IQGAP2: variants seen among roughly 807,000 people sequenced by gnomAD.
The protein encoded by IQGAP2 is ras GTPase-activating-like protein IQGAP2.
IQGAP2 carries 173 observed loss-of-function variants against 201.3 expected under a neutral mutation model. The observed-to-expected ratio is 0.86, with a 90% CI of 0.76 to 0.98. The LOEUF (loss-of-function observed/expected upper bound fraction) is 0.98, where lower values mean the gene tolerates loss of function less well. IQGAP2 is among the 50% of genes least tolerant of loss of function. IQGAP2 has a pLI of 0.00. For synonymous variants in IQGAP2, 675 were observed against 673.9 expected (o/e 1.00, Z -0.03); for missense variants, 1,687 against 1,864.8 (o/e 0.90, Z 1.76).
intron 2 of IQGAP2, among the ~76,000 whole-genome samples, chr5:76,489,943 C>G (rs1756437543): frequency 6.6e-6 from 1 of 152,214 alleles, no homozygotes; most frequent in Non-Finnish European, 1.5e-5. Context: ...CACTCACATT[C>G]ACTTTACTTT....
chr5:76,629,252 T>A (rs1750502028), intron 14 of IQGAP2, among the ~76,000 whole-genome samples: 1 of 152,208 alleles, frequency 6.6e-6, no homozygotes, highest in East Asian at 1.9e-4. Flanking sequence ...ATGCTACCTA[T>A]GAGAATTTTC....
intron 33 of IQGAP2, among the ~76,000 whole-genome samples, chr5:76,700,875 T>G (rs1747317752): frequency 6.6e-6 from 1 of 152,148 alleles, no homozygotes; most frequent in Non-Finnish European, 1.5e-5. Context: ...ACTTGGGAAA[T>G]CCCTTTCCCC....
chr5:76,601,015 T>A, intron 11 of IQGAP2, 43 bp downstream of exon 11: 1 of 1,586,312 alleles, frequency 6.3e-7, no homozygotes, highest in Non-Finnish European at 8.6e-7. Flanking sequence ...CAGAAATGCA[T>A]GTTTGGCAGA....
chr5:76,404,182 C>T (rs1043893665), intron 1 of IQGAP2, among the ~76,000 whole-genome samples: 2 of 151,776 alleles, frequency 1.3e-5, no homozygotes, highest in African/African-American at 2.4e-5. Flanking sequence ...CAACCCCTTT[C>T]CCCCCCGCTC....
intron 6 of IQGAP2, 93 bp from the exon 7 acceptor site, chr5:76,589,522 A>C: frequency 1.5e-6 from 1 of 646,126 alleles, no homozygotes; most frequent in Non-Finnish European, 2.5e-6. Context: ...TTCCTGATGA[A>C]GACATTTCTT....
At chr5:76,408,724 A>G (rs1750932667) in intron 1 of IQGAP2, among the ~76,000 whole-genome samples, 1 of 152,042 alleles carries the variant, frequency 6.6e-6, no homozygotes, top group Non-Finnish European at 1.5e-5. Flanking sequence ...GAATAGCCAC[A>G]GCTCTCCAGC....
At chr5:76,572,391 T>C (rs1007986135) in intron 4 of IQGAP2, among the ~76,000 whole-genome samples, 1 of 152,110 alleles carries the variant, frequency 6.6e-6, no homozygotes, top group Non-Finnish European at 1.5e-5. Flanking sequence ...TTTGAACTCC[T>C]GACCTCAGGT....
rs374323270 is a variant in IQGAP2 at position 76,479,644 on chromosome 5, T to A, written c.146+17975T>A. ...CAGCTGCTCTGTGCTGATGACATTA[T>A]GAAATAGGGATTTTAAAGGACCTCT... On this transcript the variant is annotated intron_variant, in intron 2 of 35. Transcript: ENST00000274364. Among the ~76,000 whole-genome samples the A allele has an allele frequency of 2.1e-3, 321 of 152,284 alleles. 1 individual carries two copies. The highest frequency in any genetic ancestry group is 7.4e-3 in the African/African-American group (307 of 41,550).
At chr5:76,538,691 C>A (rs1354991259) in intron 2 of IQGAP2, among the ~76,000 whole-genome samples, 1 of 152,120 alleles carries the variant, frequency 6.6e-6, no homozygotes, top group Admixed American at 6.5e-5. Context: ...CCTGTTAAAT[C>A]CCCCCTTCCA....
At chr5:76,599,942 A>T (rs750823420) in intron 10 of IQGAP2, among the ~76,000 whole-genome samples, 2 of 152,204 alleles carry the variant, frequency 1.3e-5, no homozygotes, top group Non-Finnish European at 2.9e-5. Flanking sequence ...CTGAAATCTA[A>T]GACGTATTTT....
rs1351295741 is a variant in IQGAP2, at chr5:76,658,311, G to A, written c.2321-148G>A. On this transcript the variant is annotated intron_variant, in intron 20 of 35. Coordinates refer to ENST00000274364, the MANE Select transcript of IQGAP2 (RefSeq NM_006633.5). Reference sequence around the variant, plus strand: ...AGTTTCCTTGTCCAGATTTTAAATTGTGTGGGGGTGGGTAGAATGATTCTC... The same window carrying A: ...AGTTTCCTTGTCCAGATTTTAAATTATGTGGGGGTGGGTAGAATGATTCTC... The A allele has an allele frequency of 4.4e-6, 3 of 685,524 alleles. No individual in the cohort carries two copies. In the East Asian group the frequency reaches 8.1e-5, roughly 19 times the overall value. 42.5% of individuals were successfully genotyped at this position (685,524 alleles called of 1,614,324 possible). A position where few individuals can be genotyped will look rare whatever the true frequency, so the allele number is the denominator to read the frequency against.
intron 2 of IQGAP2, among the ~76,000 whole-genome samples, chr5:76,532,249 A>G (rs1035166242): frequency 1.3e-5 from 2 of 152,216 alleles, no homozygotes; most frequent in African/African-American, 4.8e-5. Flanking sequence ...GCGCATGTCT[A>G]TAGTCCCAGA....
chr5:76,594,761 T>G (rs974755292), intron 9 of IQGAP2, among the ~76,000 whole-genome samples: 4 of 152,032 alleles, frequency 2.6e-5, no homozygotes, highest in Non-Finnish European at 4.4e-5. Context: ...GGTCAAGCGT[T>G]CAAGACCACC....
chr5:76,603,252 G>T (rs1447938990), intron 11 of IQGAP2, among the ~76,000 whole-genome samples: 1 of 152,118 alleles, frequency 6.6e-6, no homozygotes, highest in East Asian at 1.9e-4. Context: ...TGGAGCTTCT[G>T]AGCCCTGCCT....
rs189090400 is a variant in IQGAP2, at chr5:76,504,788, C to T, written c.146+43119C>T. ...AACTTTGCAAGCTGGGAGTTAATAC[C>T]GTAATCTCTTGCTTTCCCTCTGTAT... On this transcript the variant is annotated intron_variant, in intron 2 of 35. Transcript: ENST00000274364. 3.3e-3 allele frequency among the ~76,000 whole-genome samples: 507 copies of T among 152,204 alleles called. 1 individual carries two copies. Among genetic ancestry groups the T allele is most frequent in the Non-Finnish European group, 5.5e-3 (372 of 68,000 alleles).
intron 1 of IQGAP2, among the ~76,000 whole-genome samples, chr5:76,453,596 G>T (rs1753896233): frequency 6.6e-6 from 1 of 152,186 alleles, no homozygotes; most frequent in Non-Finnish European, 1.5e-5. Context: ...TAGGGACAGG[G>T]TGTTAGCAGT....
chr5:76,650,128 G>A (rs1189945590), intron 17 of IQGAP2, among the ~76,000 whole-genome samples: 4 of 152,236 alleles, frequency 2.6e-5, no homozygotes, highest in African/African-American at 9.6e-5. Flanking sequence ...GATGGCAGGG[G>A]CTGCTGTGAA....
chr5:76,678,197 A>G (rs1012776653), intron 28 of IQGAP2, among the ~76,000 whole-genome samples: 12 of 152,222 alleles, frequency 7.9e-5, no homozygotes, highest in African/African-American at 2.2e-4. Context: ...ACCCAATAGT[A>G]GCCTTCTGCA....
Position 76,619,541 on chromosome 5 carries a change from C to T in IQGAP2, c.1522-7869C>T, listed in dbSNP as rs113754564. ...TTTTTTTTTTTTTTTTTTTTTGAGA[C>T]AGTCTCACTCTGTCGCCCAGGCTGG... On this transcript the variant is annotated intron_variant, in intron 13 of 35. Transcript: ENST00000274364. 4.9e-3 allele frequency among the ~76,000 whole-genome samples: 581 copies of T among 119,642 alleles called. 2 individuals carry two copies. The highest frequency in any genetic ancestry group is 0.012 in the Admixed American group (118 of 9,608). The allele number at this position is 119,642 out of a possible 152,430, so 78.5% of individuals were successfully genotyped here. A position where few individuals can be genotyped will look rare whatever the true frequency, so the allele number is the denominator to read the frequency against.
Sources: gnomAD v4.1 joint callset for allele counts (sites outside exome capture counted in the v4.1 genomes callset) on GRCh38, gnomAD v4.1.1 for gene constraint, MANE v1.5 for transcripts, NCBI Gene and HGNC (gene_info 2026-07-23, HGNC 2026-07-21) for gene names.